RNF24: variants seen among roughly 807,000 people sequenced by gnomAD.
RNF24 encodes ring finger protein 24.
A neutral mutation model predicts 20.0 loss-of-function variants in RNF24; 14 were observed. That is an observed-to-expected ratio of 0.70 (90% confidence interval 0.46 to 1.10). The LOEUF is 1.10. RNF24 is among the 50% of genes least tolerant of loss of function. The pLI is 0.00. For synonymous variants in RNF24, 45 were observed against 61.1 expected, an observed-to-expected ratio of 0.74 and a Z score of 1.23; for missense variants, 124 against 177.6, an observed-to-expected ratio of 0.70 and a Z score of 1.71.
intron 1 of RNF24, chr20:3,974,501 A>G: frequency 8.5e-7 from 1 of 1,175,664 alleles, no homozygotes; most frequent in Non-Finnish European, 1.1e-6. Context: ...CTACAACAAC[A>G]AAATCCCAAA....
intron 2 of RNF24, among the ~76,000 whole-genome samples, chr20:3,956,036 G>T (rs572575148): frequency 6.6e-6 from 1 of 152,122 alleles, no homozygotes; most frequent in African/African-American, 2.4e-5. Flanking sequence ...TGTGTGTGTG[G>T]ATCCTACGGG....
intron 1 of RNF24, among the ~76,000 whole-genome samples, chr20:3,978,901 T>C (rs143906121): frequency 0.01 from 1,546 of 150,380 alleles, 17 homozygotes; most frequent in African/African-American, 0.036. Context: ...AGGTCAGGAG[T>C]TCAAGATCAG....
intron 1 of RNF24, among the ~76,000 whole-genome samples, chr20:3,967,112 C>T (rs2091266739): frequency 1.3e-5 from 2 of 152,104 alleles, no homozygotes; most frequent in South Asian, 4.1e-4. Flanking sequence ...TAATCCTGAT[C>T]CAGTGACACA....
At position 3,929,601 on chromosome 20, in the gene RNF24, C is replaced by T. The variant is rs2090790441; in HGVS notation, c.*4462G>A. The T allele has an allele frequency of 6.6e-6, 1 of 152,458 alleles. No homozygotes were observed. Among genetic ancestry groups the T allele is most frequent in the Admixed American group, 6.5e-5 (1 of 15,292 alleles). The allele number at this position is 152,458 out of a possible 1,614,324, so 9.4% of individuals were successfully genotyped here. On this transcript the variant is annotated 3_prime_UTR_variant, in exon 6 of 6. Coordinates refer to ENST00000358395, the MANE Select transcript of RNF24 (RefSeq NM_001134337.3). Reference sequence around the variant, plus strand: ...AGTGACCACAACAGTTGCAGCCACACATCACCACTGGTCCTCACTTGGAAC... The same window carrying T: ...AGTGACCACAACAGTTGCAGCCACATATCACCACTGGTCCTCACTTGGAAC...
chr20:3,963,849 A>G (rs2091228933), intron 2 of RNF24, 26 bp downstream of exon 2: 2 of 1,501,670 alleles, frequency 1.3e-6, no homozygotes, highest in Non-Finnish European at 1.8e-6. Context: ...CATATTTTGA[A>G]GTAACATAGA....
chr20:3,980,389 G>A (rs984610469), intron 1 of RNF24, among the ~76,000 whole-genome samples: 1 of 152,164 alleles, frequency 6.6e-6, no homozygotes, highest in African/African-American at 2.4e-5. Flanking sequence ...ACCCTAATGG[G>A]CAGGTAGTGT....
In RNF24 at chr20:3,934,923, A is replaced by G; in HGVS notation, c.308+71T>C. ...CATCAAGCTTGTCTGGCACTGCCCT[A>G]AAACCCAAAAGAAGTTGGTTGATGT... On this transcript the variant is annotated intron_variant, in intron 5 of 5. Coordinates refer to ENST00000358395, the MANE Select transcript of RNF24 (RefSeq NM_001134337.3). The surrounding 1 kb of genome is among the most constrained non-coding windows in gnomAD (Gnocchi z 4.0). The G allele has an allele frequency of 7.4e-7, 1 of 1,348,392 alleles. No individual in the cohort carries two copies. Among genetic ancestry groups the G allele is most frequent in the Non-Finnish European group, 1.1e-6 (1 of 941,792 alleles). 83.5% of individuals were successfully genotyped at this position (1,348,392 alleles called of 1,614,324 possible). A position where few individuals can be genotyped will look rare whatever the true frequency, so the allele number is the denominator to read the frequency against.
Position 3,934,628 on chromosome 20 carries a change from C to T in RNF24, c.308+366G>A, listed in dbSNP as rs752228564. Among the ~76,000 whole-genome samples the T allele has an allele frequency of 6.6e-6, 1 of 152,182 alleles. No homozygotes were observed. The highest frequency in any genetic ancestry group is 1.5e-5 in the Non-Finnish European group (1 of 68,024). ...GTGGGAGGAGAGTGCCCCACACTAC[C>T]ATTTATATCCAGACTTTATTTTGAT... On this transcript the variant is annotated intron_variant, in intron 5 of 5. Coordinates refer to ENST00000358395, the MANE Select transcript of RNF24 (RefSeq NM_001134337.3). The surrounding 1 kb of genome is among the most constrained non-coding windows in gnomAD (Gnocchi z 4.0).
chr20:3,974,195 A>T, intron 1 of RNF24: 1 of 841,696 alleles, frequency 1.2e-6, no homozygotes, highest in Non-Finnish European at 1.7e-6. Context: ...AAACTCCCAG[A>T]AATAGAAATG....
At chr20:3,982,056 G>C (rs901174586) in intron 1 of RNF24, among the ~76,000 whole-genome samples, 1 of 149,306 alleles carries the variant, frequency 6.7e-6, no homozygotes, top group African/African-American at 2.5e-5. Flanking sequence ...AGCAGTGAGC[G>C]CTAATCGCAC....
chr20:3,983,502 A>T (rs1979609486), intron 1 of RNF24, among the ~76,000 whole-genome samples: 1 of 152,204 alleles, frequency 6.6e-6, no homozygotes, highest in Non-Finnish European at 1.5e-5. Flanking sequence ...CATATAAATA[A>T]ATCTTAATAA....
intron 1 of RNF24, among the ~76,000 whole-genome samples, chr20:4,014,560 T>G (rs1166530846): frequency 1.3e-5 from 2 of 152,074 alleles, no homozygotes; most frequent in African/African-American, 2.4e-5. Flanking sequence ...AGAATTTAGA[T>G]GCACATTTCC....
chr20:3,944,943 T>C (rs188221179), intron 4 of RNF24, among the ~76,000 whole-genome samples: 131 of 152,348 alleles, frequency 8.6e-4, no homozygotes, highest in African/African-American at 3.1e-3. Context: ...GCAGCATCCC[T>C]ACTGCTATGA....
At chr20:3,984,244 A>AG (rs1555800283) in intron 1 of RNF24, among the ~76,000 whole-genome samples, 1 of 151,882 alleles carries the variant, frequency 6.6e-6, no homozygotes, top group African/African-American at 2.4e-5. Flanking sequence ...CTTAAAAAAA[A>AG]AAAAGAAAAG....
chr20:3,987,852 T>C (rs1189272869), intron 1 of RNF24, among the ~76,000 whole-genome samples: 1 of 152,136 alleles, frequency 6.6e-6, no homozygotes, highest in Non-Finnish European at 1.5e-5. Flanking sequence ...CTAGAGAGTA[T>C]TCACTCTTAA....
rs1343180790 is a variant in RNF24 at position 3,942,867 on chromosome 20, C to T, written c.228+2310G>A. Among the ~76,000 whole-genome samples, 18 of 149,938 alleles carry T rather than the reference C, an allele frequency of 1.2e-4. No individual in the cohort carries two copies. The East Asian group carries it at 3.6e-3, about 30-fold the overall frequency. ...GTTTCATTCTTGTTGCCCATGCTGG[C>T]GTGCAATGGCACGATCTCAGCTCAC... On this transcript the variant is annotated intron_variant, in intron 4 of 5. Coordinates refer to ENST00000358395, the MANE Select transcript of RNF24 (RefSeq NM_001134337.3).
At chr20:3,948,006 A>G (rs915313688) in intron 3 of RNF24, among the ~76,000 whole-genome samples, 1 of 151,930 alleles carries the variant, frequency 6.6e-6, no homozygotes, top group Non-Finnish European at 1.5e-5. Flanking sequence ...AGATCACGCC[A>G]TTGCACTCCA....
At position 3,966,414 on chromosome 20, in the gene RNF24, A is replaced by G. The variant is rs572277273; in HGVS notation, c.-7-2390T>C. Among the ~76,000 whole-genome samples the G allele has an allele frequency of 1.3e-4, 20 of 151,400 alleles. 1 individual carries two copies. In the East Asian group the frequency reaches 2.9e-3, roughly 22 times the overall value. On this transcript the variant is annotated intron_variant, in intron 1 of 5. Coordinates refer to ENST00000358395, the MANE Select transcript of RNF24 (RefSeq NM_001134337.3). ...GGAATTCCTGAAAGGATAAAATGAG[A>G]TAGCAGATAATGAAGTGTCTGAAAA...
rs61743428 is a variant in RNF24 at position 3,927,764 on chromosome 20, G to A, written c.*6299C>T. 0.033 allele frequency: 4,979 copies of A among 152,364 alleles called. 271 individuals are homozygous for A. The highest frequency in any genetic ancestry group is 0.11 in the African/African-American group (4,674 of 41,546). The allele number at this position is 152,364 out of a possible 1,614,324, so 9.4% of individuals were successfully genotyped here. ...TGGAGAGGAACGGTGTGCAGTGGGC[G>A]TGAGATGCAGATCCACCAGGCTTGG... On this transcript the variant is annotated 3_prime_UTR_variant, in exon 6 of 6. Transcript: ENST00000358395.
Sources: allele counts gnomAD v4.1 joint callset (sites outside exome capture counted in the v4.1 genomes callset), GRCh38; gene constraint gnomAD v4.1.1; non-coding constraint Gnocchi (gnomAD v3.1); transcripts MANE v1.5; gene names NCBI Gene and HGNC (gene_info 2026-07-23, HGNC 2026-07-21).